Variants in GTF3C1 observed in about 807,000 individuals in gnomAD.
GTF3C1 encodes the protein general transcription factor IIIC subunit 1, also known as general transcription factor 3C polypeptide 1.
Under a neutral mutation model 226.7 loss-of-function variants are expected in GTF3C1, and 57 were observed. That is an observed-to-expected ratio of 0.25 (90% CI 0.20 to 0.31). GTF3C1 has a LOEUF of 0.31. Ranked by LOEUF, GTF3C1 falls within the 10% of genes least tolerant of loss-of-function variation. GTF3C1 has a pLI of 1.00. For synonymous variants in GTF3C1, 1,090 were observed against 1,084.8 expected (o/e 1.00, Z -0.09); for missense variants, 2,217 against 2,776.1 (o/e 0.80, Z 4.53).
chr16:27,540,274 A>G (rs114867314), intron 2 of GTF3C1, among the ~76,000 whole-genome samples: 1,598 of 152,358 alleles, frequency 0.01, 46 homozygotes, highest in African/African-American at 0.036. Flanking sequence ...TGCGTCTTCA[A>G]AAAGAATGTT....
chr16:27,503,512 G>A (rs1309068960), intron 10 of GTF3C1, among the ~76,000 whole-genome samples: 2 of 152,208 alleles, frequency 1.3e-5, no homozygotes, highest in Admixed American at 1.3e-4. Context: ...ACTCCAGACG[G>A]AAGAAACCAG....
chr16:27,501,093 TA>T, intron 12 of GTF3C1, 97 bp downstream of exon 12: 1 of 985,332 alleles, frequency 1.0e-6, no homozygotes. Context: ...TCACTGGTAA[TA>T]AAGCAACTAC....
chr16:27,495,387 G>A lies in GTF3C1; in HGVS notation c.2456C>T (p.Thr819Ile). ...ACTGATGAAGCTTGGCTTCTCCACGGTGTTGCTGGCAGGGTGCCCGTAGAT... is the reference window on the plus strand; with the variant it reads ...ACTGATGAAGCTTGGCTTCTCCACGATGTTGCTGGCAGGGTGCCCGTAGAT... ...YLIYGHPASN[T>I]VEKPSFISER... is the part of the protein sequence containing the mutation. The change falls in exon 15 of 37, where the codon ACC (threonine) becomes ATC (isoleucine). Residue 819 changes from threonine (T) to isoleucine (I), a missense_variant. Thr to Ile is a moderately conservative substitution (Grantham distance 89, BLOSUM62 -1). Around this residue, in one of 12 missense-constraint regions of GTF3C1, gnomAD observed 353 missense variants for 411.7 expected, o/e 0.86. Coordinates refer to ENST00000356183, the MANE Select transcript of GTF3C1 (RefSeq NM_001520.4). 1 of 1,614,148 alleles carries A rather than the reference G, an allele frequency of 6.2e-7. No individual in the cohort carries two copies. The highest frequency in any genetic ancestry group is 1.1e-5 in the South Asian group (1 of 91,084).
intron 28 of GTF3C1, among the ~76,000 whole-genome samples, chr16:27,477,829 G>A (rs767625164): frequency 5.3e-5 from 8 of 152,266 alleles, no homozygotes; most frequent in Admixed American, 1.3e-4. Context: ...TATTGATAAG[G>A]TTTCTGATCA....
chr16:27,481,113 C>T lies in GTF3C1; in HGVS notation c.4162G>A (p.Glu1388Lys). ...AGCTCCTGGAGTGTGTCTGGGATTTCAAGGTTAGAATTCCTTAGGGCTGAA... is the reference window on the plus strand; with the variant it reads ...AGCTCCTGGAGTGTGTCTGGGATTTTAAGGTTAGAATTCCTTAGGGCTGAA... ...FSSALRNSNL[E>K]IPDTLQELFA... Residue 1388 changes from glutamate (E) to lysine (K), a missense_variant, in exon 27 of 37, where the codon GAA becomes AAA. Transcript: ENST00000356183. 1.2e-6 allele frequency: 2 copies of T among 1,614,202 alleles called. No homozygotes were observed. Among genetic ancestry groups the T allele is most frequent in the Non-Finnish European group, 1.7e-6 (2 of 1,180,026 alleles).
rs2088241583 is a variant in GTF3C1, at chr16:27,492,119, C to T, written c.3151+219G>A. Reference sequence around the variant, plus strand: ...AACAAATGAAGACAAAGTGCAGCTACTTGGGCTCAACTGAGTGGGGGAACC... The same window carrying T: ...AACAAATGAAGACAAAGTGCAGCTATTTGGGCTCAACTGAGTGGGGGAACC... On this transcript the variant is annotated intron_variant, in intron 19 of 36. Coordinates refer to ENST00000356183, the MANE Select transcript of GTF3C1 (RefSeq NM_001520.4). This position sits in a 1 kb window ranked among gnomAD's most constrained non-coding sequence, Gnocchi z 5.0. Among the ~76,000 whole-genome samples, 1 of 152,212 alleles carries T rather than the reference C, an allele frequency of 6.6e-6. No homozygotes were observed. The highest frequency in any genetic ancestry group is 2.4e-5 in the African/African-American group (1 of 41,454).
At chr16:27,495,149 C>T in intron 15 of GTF3C1, 62 bp downstream of exon 15, 1 of 1,241,856 alleles carries the variant, frequency 8.1e-7, no homozygotes, top group East Asian at 2.3e-5. Flanking sequence ...TATCATGTTT[C>T]TCCCTGGATC....
chr16:27,498,745 G>C lies in GTF3C1; in HGVS notation c.2062-12C>G. ...ACCACCAGATCCACCTGGAGAGAGA[G>C]GTTGGAGCATCCCACAGGGTGAGGG... On this transcript the variant is annotated splice_polypyrimidine_tract_variant and intron_variant, in intron 12 of 36. Transcript: ENST00000356183. 1 of 1,374,522 alleles carries C rather than the reference G, an allele frequency of 7.3e-7. No homozygotes were observed. Among genetic ancestry groups the C allele is most frequent in the Non-Finnish European group, 1.0e-6 (1 of 961,304 alleles). 85.1% of individuals were successfully genotyped at this position (1,374,522 alleles called of 1,614,324 possible). A position where few individuals can be genotyped will look rare whatever the true frequency, so the allele number is the denominator to read the frequency against.
chr16:27,502,491 CTGGA>C (rs914037819), intron 11 of GTF3C1, among the ~76,000 whole-genome samples: 2 of 152,206 alleles, frequency 1.3e-5, no homozygotes, highest in African/African-American at 4.8e-5. Flanking sequence ...AACTAAAAGT[CTGGA>C]AGTAATGCTA....
At position 27,498,652 on chromosome 16, in the gene GTF3C1, A is replaced by C; in HGVS notation, c.2143T>G (p.Ser715Ala). The change falls in exon 13 of 37, where the codon TCC (serine) becomes GCC (alanine). Residue 715 changes from serine to alanine, a missense_variant. Physicochemically the swap from Ser to Ala is moderately conservative, Grantham distance 99. Around this residue, in one of 12 missense-constraint regions of GTF3C1, gnomAD observed 100 missense variants for 139.9 expected, o/e 0.71. Coordinates refer to ENST00000356183, the MANE Select transcript of GTF3C1 (RefSeq NM_001520.4). ...TGCCTGTTGGCTGTGCTTGAATTGG[A>C]GATCCGGAAGCGGACCTGCTCGATG... ...SAIEQVRFRI[S>A]NSSTANRVKT... 6.3e-7 allele frequency: 1 copy of C among 1,594,060 alleles called. No individual in the cohort carries two copies. The highest frequency in any genetic ancestry group is 8.6e-7 in the Non-Finnish European group (1 of 1,161,702).
chr16:27,483,972 C>A (rs232063), intron 25 of GTF3C1, among the ~76,000 whole-genome samples: 28,127 of 152,192 alleles, frequency 0.18, 3,009 homozygotes, highest in African/African-American at 0.29. Context: ...AAAAAGGATA[C>A]CACCACCTAC....
intron 6 of GTF3C1, among the ~76,000 whole-genome samples, chr16:27,521,579 G>A (rs1469833393): frequency 1.3e-5 from 2 of 152,254 alleles, no homozygotes; most frequent in African/African-American, 2.4e-5. Context: ...CAGGTGTCTG[G>A]GTCCCCTCGA....
At position 27,507,459 on chromosome 16, in the gene GTF3C1, G is replaced by C. The variant is rs1596641492; in HGVS notation, c.1243-303C>G. On this transcript the variant is annotated intron_variant, in intron 8 of 36. Coordinates refer to ENST00000356183, the MANE Select transcript of GTF3C1 (RefSeq NM_001520.4). This position sits in a 1 kb window ranked among gnomAD's most constrained non-coding sequence, Gnocchi z 4.9. ...AACCTTCCATATAGCCCCAGTGGCT[G>C]GGACAGGACGTGGCCCACACAAAAT... 6.6e-6 allele frequency among the ~76,000 whole-genome samples: 1 copy of C among 152,050 alleles called. No homozygotes were observed. The highest frequency in any genetic ancestry group is 2.4e-5 in the African/African-American group (1 of 41,292).
intron 5 of GTF3C1, among the ~76,000 whole-genome samples, chr16:27,530,155 C>T (rs1384373123): frequency 6.6e-6 from 1 of 152,182 alleles, no homozygotes; most frequent in East Asian, 1.9e-4. Flanking sequence ...TGTCTGTGGG[C>T]TGCCGCCGCC....
intron 27 of GTF3C1, chr16:27,480,760 C>G (rs1043153618): frequency 9.7e-6 from 3 of 309,806 alleles, no homozygotes; most frequent in Non-Finnish European, 1.8e-5. Flanking sequence ...CTGGTACTTA[C>G]AAGCACTGTG....
At chr16:27,531,664 AAC>A (rs1307739003) in intron 5 of GTF3C1, among the ~76,000 whole-genome samples, 1 of 152,258 alleles carries the variant, frequency 6.6e-6, no homozygotes, top group African/African-American at 2.4e-5. Context: ...GCTGTCCAGT[AAC>A]AGTCAAGGCT....
At position 27,513,044 on chromosome 16, in the gene GTF3C1, A is replaced by G. The variant is rs970605142; in HGVS notation, c.974-1143T>C. On this transcript the variant is annotated intron_variant, in intron 6 of 36. Coordinates refer to ENST00000356183, the MANE Select transcript of GTF3C1 (RefSeq NM_001520.4). The stretch of plus-strand genomic sequence containing the variant: ...CCTTCCATGGCCAAAGGGACTTGGC[A>G]GAAGTGATTAAATTAAGGCATTGTG... 2.6e-5 allele frequency among the ~76,000 whole-genome samples: 4 copies of G among 152,220 alleles called. No homozygotes were observed. In the East Asian group the frequency reaches 5.8e-4, roughly 22 times the overall value.
intron 32 of GTF3C1, chr16:27,466,277 G>C (rs1413658481): frequency 1.3e-5 from 2 of 152,184 alleles, no homozygotes; most frequent in Non-Finnish European, 2.9e-5. Context: ...ATTTGTGTCT[G>C]TCACGCTTGG....
Position 27,498,727 on chromosome 16 carries a change from G to A in GTF3C1, c.2068C>T (p.Leu690=), listed in dbSNP as rs35938151. 1,917 of 1,537,610 alleles carry A rather than the reference G, an allele frequency of 1.2e-3. 20 individuals are homozygous for A. The African/African-American group carries it at 0.023, about 19-fold the overall frequency. The change falls in exon 13 of 37, where the codon CTG becomes TTG. Residue 690 remains leucine, a synonymous_variant. Coordinates refer to ENST00000356183, the MANE Select transcript of GTF3C1 (RefSeq NM_001520.4). Reference sequence around the variant, plus strand: ...TGGTCCATGGACGGGTGCACCACCAGATCCACCTGGAGAGAGAGGTTGGAG... The same window carrying A: ...TGGTCCATGGACGGGTGCACCACCAAATCCACCTGGAGAGAGAGGTTGGAG... The part of the protein sequence containing the change: ...IQDGIKKKVD[L]VVHPSMDQND...
Sources: allele counts gnomAD v4.1 joint callset (sites outside exome capture counted in the v4.1 genomes callset), GRCh38; gene constraint gnomAD v4.1.1; regional missense constraint gnomAD v4.1.1; non-coding constraint Gnocchi (gnomAD v3.1); transcripts MANE v1.5; gene names NCBI Gene and HGNC (gene_info 2026-07-23, HGNC 2026-07-21).